Variants in GTF2F2 observed in about 807,000 individuals in gnomAD.
The protein encoded by GTF2F2 is ATP-dependent helicase GTF2F2.
GTF2F2 carries 23 observed loss-of-function variants against 42.2 expected under a neutral mutation model. The observed-to-expected ratio is 0.55, with a 90% confidence interval of 0.39 to 0.77. The LOEUF (loss-of-function observed/expected upper bound fraction) is 0.77, where lower values mean the gene tolerates loss of function less well. Ranked by LOEUF, GTF2F2 falls within the 30% of genes least tolerant of loss-of-function variation. GTF2F2 has a pLI of 0.00. For synonymous variants in GTF2F2, 105 were observed against 100.8 expected, an observed-to-expected ratio of 1.04 and a Z score of -0.25; for missense variants, 261 against 287.2, an observed-to-expected ratio of 0.91 and a Z score of 0.66.
At chr13:45,211,068 G>A (rs895871151) in intron 5 of GTF2F2, among the ~76,000 whole-genome samples, 1 of 152,168 alleles carries the variant, frequency 6.6e-6, no homozygotes, top group Non-Finnish European at 1.5e-5. Context: ...AGATTCTTCT[G>A]GTTGGTGGTG....
intron 2 of GTF2F2, among the ~76,000 whole-genome samples, chr13:45,141,505 A>G (rs1016230635): frequency 6.6e-6 from 1 of 152,060 alleles, no homozygotes; most frequent in East Asian, 1.9e-4. Context: ...CCTGGTTTTG[A>G]TAATATAGTT....
chr13:45,240,757 T>C (rs1256902608), intron 5 of GTF2F2, among the ~76,000 whole-genome samples: 1 of 151,700 alleles, frequency 6.6e-6, no homozygotes, highest in African/African-American at 2.4e-5. Context: ...GAACCTGGGA[T>C]GCGGAGGTTG....
intron 6 of GTF2F2, among the ~76,000 whole-genome samples, chr13:45,259,961 A>AT (rs1056243588): frequency 6.0e-4 from 91 of 152,252 alleles, no homozygotes; most frequent in African/African-American, 2.1e-3. Flanking sequence ...GTTTGAAAAA[A>AT]TAAGTTTTCT....
intron 5 of GTF2F2, among the ~76,000 whole-genome samples, chr13:45,217,687 T>C (rs1264337991): frequency 6.6e-6 from 1 of 152,226 alleles, no homozygotes; most frequent in African/African-American, 2.4e-5. Flanking sequence ...TATTGGCATG[T>C]GATGGTGTTT....
At chr13:45,246,627 CCTTG>C (rs1875634254) in intron 5 of GTF2F2, among the ~76,000 whole-genome samples, 1 of 152,174 alleles carries the variant, frequency 6.6e-6, no homozygotes, top group African/African-American at 2.4e-5. Context: ...AAATTTAATT[CCTTG>C]CTTCAAAAAT....
chr13:45,274,422 G>A (rs1593530745), intron 7 of GTF2F2, among the ~76,000 whole-genome samples: 1 of 146,734 alleles, frequency 6.8e-6, no homozygotes, highest in Non-Finnish European at 1.5e-5. Context: ...CGCCTCCCAG[G>A]TTCAGGCAAT....
chr13:45,173,612 ATTTTTTT>A (rs56033747), intron 4 of GTF2F2, among the ~76,000 whole-genome samples: 11 of 93,702 alleles, frequency 1.2e-4, no homozygotes, highest in African/African-American at 4.3e-4. Context: ...TAACTTTGTC[ATTTTTTT>A]TTTTTTTTTT....
intron 3 of GTF2F2, among the ~76,000 whole-genome samples, chr13:45,150,745 T>C (rs1870451348): frequency 6.9e-6 from 1 of 144,860 alleles, no homozygotes; most frequent in Non-Finnish European, 1.5e-5. Context: ...CGTTTTGTCA[T>C]GTTGGCCAGG....
At chr13:45,245,543 A>G (rs1007113317) in intron 5 of GTF2F2, among the ~76,000 whole-genome samples, 9 of 151,890 alleles carry the variant, frequency 5.9e-5, no homozygotes, top group Non-Finnish European at 4.4e-5. Context: ...GTGAGAACAT[A>G]CAATGTTTGG....
chr13:45,138,926 G>A (rs894944637), intron 2 of GTF2F2, among the ~76,000 whole-genome samples: 5 of 152,194 alleles, frequency 3.3e-5, no homozygotes, highest in East Asian at 3.8e-4. Flanking sequence ...GATTACAGGC[G>A]GTAGCCACTG....
chr13:45,197,423 C>T (rs1364125463), intron 4 of GTF2F2, among the ~76,000 whole-genome samples: 4 of 150,230 alleles, frequency 2.7e-5, no homozygotes, highest in Non-Finnish European at 5.9e-5. Context: ...GCAGGAGAAT[C>T]GCCTGAGCCC....
chr13:45,236,929 A>G (rs1875022103), intron 5 of GTF2F2, among the ~76,000 whole-genome samples: 1 of 152,170 alleles, frequency 6.6e-6, no homozygotes, highest in Non-Finnish European at 1.5e-5. Flanking sequence ...AATTTTTGAG[A>G]CTAGTTAAAA....
At chr13:45,272,773 TG>T (rs199605541) in intron 7 of GTF2F2, among the ~76,000 whole-genome samples, 147,743 of 147,748 alleles carry the variant, frequency 1, 73,869 homozygotes, top group Middle Eastern at 1. Context: ...CAAGGTCTCC[TG>T]CTGCCACCCA....
chr13:45,194,469 TG>T, intron 4 of GTF2F2: 1 of 1,614,128 alleles, frequency 6.2e-7, no homozygotes, highest in Non-Finnish European at 8.5e-7. Flanking sequence ...GGGTCATCAG[TG>T]TGGATTTGCA....
intron 5 of GTF2F2, among the ~76,000 whole-genome samples, chr13:45,213,047 T>TATTG (rs1873756349): frequency 6.6e-6 from 1 of 151,244 alleles, no homozygotes; most frequent in South Asian, 2.1e-4. Context: ...CGGCTAATTT[T>TATTG]ATTTATTTAT....
intron 5 of GTF2F2, among the ~76,000 whole-genome samples, chr13:45,248,374 A>G (rs1019024230): frequency 1.3e-5 from 2 of 151,826 alleles, no homozygotes; most frequent in Non-Finnish European, 2.9e-5. Flanking sequence ...AAGAATATAT[A>G]TTTATATTCT....
Position 45,128,888 on chromosome 13 carries a change from C to T in GTF2F2, c.67-7845C>T, listed in dbSNP as rs139453304. Among the ~76,000 whole-genome samples the T allele has an allele frequency of 6.4e-3, 980 of 152,048 alleles. 11 individuals are homozygous for T. Among genetic ancestry groups the T allele is most frequent in the African/African-American group, 0.023 (936 of 41,498 alleles). Reference sequence around the variant, plus strand: ...GATTATAGGTGTGAGCCACCATGCCCGACACAATGTTTTTAAGTTGGCAGT... The same window carrying T: ...GATTATAGGTGTGAGCCACCATGCCTGACACAATGTTTTTAAGTTGGCAGT... On this transcript the variant is annotated intron_variant, in intron 1 of 7. Transcript: ENST00000340473.
chr13:45,157,962 C>T (rs1174030954), intron 4 of GTF2F2, among the ~76,000 whole-genome samples: 1 of 152,178 alleles, frequency 6.6e-6, no homozygotes, highest in African/African-American at 2.4e-5. Flanking sequence ...CTCTATATAT[C>T]CATGTTTCTG....
chr13:45,151,634 A>G (rs1870496262), intron 3 of GTF2F2, 53 bp from the exon 4 acceptor site: 12 of 1,145,434 alleles, frequency 1.0e-5, no homozygotes, highest in South Asian at 4.2e-5. Flanking sequence ...ATTTATATAT[A>G]TATAGTTTGA....
Sources: allele counts gnomAD v4.1 joint callset (sites outside exome capture counted in the v4.1 genomes callset), GRCh38; gene constraint gnomAD v4.1.1; transcripts MANE v1.5; gene names NCBI Gene and HGNC (gene_info 2026-07-23, HGNC 2026-07-21).